RIMKLA: variants seen among roughly 807,000 people sequenced by gnomAD.
The protein encoded by RIMKLA is N-acetylaspartylglutamate synthase A.
In RIMKLA, 14 loss-of-function variants were observed where a neutral mutation model predicts 32.7. The ratio of observed to expected loss-of-function variants is 0.43; its 90% CI spans 0.28 to 0.67. The LOEUF (loss-of-function observed/expected upper bound fraction) is 0.67. Ranked by LOEUF, RIMKLA falls within the 30% of genes least tolerant of loss-of-function variation. RIMKLA has a pLI of 0.18. For missense variants in RIMKLA, 410 were observed against 519.0 expected (o/e 0.79, Z 2.04); for synonymous variants, 176 against 204.1 (o/e 0.86, Z 1.18).
intron 1 of RIMKLA, among the ~76,000 whole-genome samples, chr1:42,383,606 C>T (rs961740290): frequency 6.6e-6 from 1 of 152,136 alleles, no homozygotes; most frequent in African/African-American, 2.4e-5. Flanking sequence ...ATTCAACTTG[C>T]TTTGAAATAC....
intron 2 of RIMKLA, among the ~76,000 whole-genome samples, chr1:42,404,172 G>T (rs1437311906): frequency 6.6e-6 from 1 of 152,184 alleles, no homozygotes; most frequent in Non-Finnish European, 1.5e-5. Flanking sequence ...TAGAAGAGGG[G>T]ATTATACAAG....
rs940467816 is a variant in RIMKLA at position 42,420,369 on chromosome 1, C to G, written c.*5395C>G. On this transcript the variant is annotated 3_prime_UTR_variant, in exon 5 of 5. Coordinates refer to ENST00000431473, the MANE Select transcript of RIMKLA (RefSeq NM_173642.4). ...GTGACGTGGGAAGGAATGGCAGATG[C>G]TACAACAGTGCAGACTCGGCACCCC... 1.3e-5 allele frequency: 2 copies of G among 152,164 alleles called. No individual in the cohort carries two copies. Among genetic ancestry groups the G allele is most frequent in the African/African-American group, 2.4e-5 (1 of 41,430 alleles). The allele number at this position is 152,164 out of a possible 1,614,324, so 9.4% of individuals were successfully genotyped here.
intron 1 of RIMKLA, among the ~76,000 whole-genome samples, chr1:42,382,142 C>T (rs1325061121): frequency 1.3e-5 from 2 of 152,196 alleles, no homozygotes; most frequent in Admixed American, 1.3e-4. Flanking sequence ...TGGAATATAT[C>T]TGTTATAGAT....
At chr1:42,402,571 A>G (rs1328238825) in intron 2 of RIMKLA, among the ~76,000 whole-genome samples, 1 of 148,860 alleles carries the variant, frequency 6.7e-6, no homozygotes, top group Non-Finnish European at 1.5e-5. Flanking sequence ...CAGCCACCAG[A>G]AAGGAATCCA....
At position 42,399,588 on chromosome 1, in the gene RIMKLA, A is replaced by G. The variant is rs1271753593; in HGVS notation, c.348A>G (p.Gln116=). The change falls in exon 2 of 5, where the codon CAA becomes CAG. Residue 116 remains glutamine, a synonymous_variant. Transcript: ENST00000431473. The part of the protein sequence containing the change: ...LNCINKFWTF[Q]ELAGHGVPMP... ...GCATCAACAAATTCTGGACGTTCCA[A>G]GAACTGGCTGGACATGGGGTCCCCA... The G allele has an allele frequency of 6.2e-7, 1 of 1,612,824 alleles. No homozygotes were observed. The highest frequency in any genetic ancestry group is 8.5e-7 in the Non-Finnish European group (1 of 1,179,562).
At chr1:42,404,769 C>T (rs1229767202) in intron 3 of RIMKLA, among the ~76,000 whole-genome samples, 172 bp downstream of exon 3, 4 of 152,206 alleles carry the variant, frequency 2.6e-5, no homozygotes, top group Non-Finnish European at 5.9e-5. Flanking sequence ...ATCATGCTCA[C>T]CTCTTCCCTG....
chr1:42,400,726 G>A (rs1402804759), intron 2 of RIMKLA, among the ~76,000 whole-genome samples: 3 of 152,172 alleles, frequency 2.0e-5, no homozygotes, highest in African/African-American at 7.2e-5. Context: ...TGTTTGAGGT[G>A]TCTGTAGTAC....
At position 42,417,289 on chromosome 1, in the gene RIMKLA, A is replaced by G. The variant is rs1161350924; in HGVS notation, c.*2315A>G. 1.3e-5 allele frequency: 2 copies of G among 152,292 alleles called. No homozygotes were observed. Among genetic ancestry groups the G allele is most frequent in the African/African-American group, 4.8e-5 (2 of 41,466 alleles). The allele number at this position is 152,292 out of a possible 1,614,324, so 9.4% of individuals were successfully genotyped here. A position where few individuals can be genotyped will look rare whatever the true frequency, so the allele number is the denominator to read the frequency against. On this transcript the variant is annotated 3_prime_UTR_variant, in exon 5 of 5. Coordinates refer to ENST00000431473, the MANE Select transcript of RIMKLA (RefSeq NM_173642.4). ...GTCATTGGCTTCATTGCCTGGCACT[A>G]GCCCTGTCTAGAAGTGGAGAAAGCT...
intron 1 of RIMKLA, among the ~76,000 whole-genome samples, chr1:42,385,805 CTCTT>C (rs1164963278): frequency 3.9e-5 from 3 of 76,940 alleles, no homozygotes; most frequent in Admixed American, 2.6e-4. Context: ...CTTTCTCTCT[CTCTT>C]TCCTTCCTTC....
At chr1:42,409,126 C>G (rs868496208) in intron 3 of RIMKLA, among the ~76,000 whole-genome samples, 1 of 139,172 alleles carries the variant, frequency 7.2e-6, no homozygotes, top group African/African-American at 2.7e-5. Context: ...TGCTTGAACC[C>G]GGGAGGTGGA....
In RIMKLA at chr1:42,416,970, C is replaced by G. The variant is rs1394361695; in HGVS notation, c.*1996C>G. 1 of 152,178 alleles carries G rather than the reference C, an allele frequency of 6.6e-6. No homozygotes were observed. The highest frequency in any genetic ancestry group is 6.5e-5 in the Admixed American group (1 of 15,282). 9.4% of individuals were successfully genotyped at this position (152,178 alleles called of 1,614,324 possible). The stretch of plus-strand genomic sequence containing the variant: ...GTACAGTTGAAAAATAATACTTCAC[C>G]TTTATATAGGTTAAGATATGTACCT... On this transcript the variant is annotated 3_prime_UTR_variant, in exon 5 of 5. Transcript: ENST00000431473.
chr1:42,411,166 C>A (rs1643193832), intron 4 of RIMKLA, among the ~76,000 whole-genome samples: 5 of 151,936 alleles, frequency 3.3e-5, no homozygotes, highest in African/African-American at 9.7e-5. Context: ...CCCATCTCTA[C>A]AAATTTTTTT....
rs1009357798 is a variant in RIMKLA at position 42,420,740 on chromosome 1, C to T, written c.*5766C>T. 6.6e-6 allele frequency: 1 copy of T among 152,434 alleles called. No homozygotes were observed. The highest frequency in any genetic ancestry group is 1.9e-4 in the East Asian group (1 of 5,192). The allele number at this position is 152,434 out of a possible 1,614,324, so 9.4% of individuals were successfully genotyped here. A position where few individuals can be genotyped will look rare whatever the true frequency, so the allele number is the denominator to read the frequency against. ...TTCACCACTCGTTGTCAGGGGTACA[C>T]CTTTTGGAAGGCAGCGTGGGCTAAT... On this transcript the variant is annotated 3_prime_UTR_variant, in exon 5 of 5. Coordinates refer to ENST00000431473, the MANE Select transcript of RIMKLA (RefSeq NM_173642.4).
At chr1:42,385,878 CTTTCTTTCTTTCT>C (rs1642940639) in intron 1 of RIMKLA, among the ~76,000 whole-genome samples, 3 of 90,428 alleles carry the variant, frequency 3.3e-5, no homozygotes, top group African/African-American at 1.2e-4. Context: ...TTCTTTCTTT[CTTTCTTTCTTTCT>C]TTCTTTCCTT....
intron 4 of RIMKLA, among the ~76,000 whole-genome samples, chr1:42,413,561 CAAATGAA>C (rs1643220191): frequency 6.7e-6 from 1 of 149,020 alleles, no homozygotes; most frequent in Admixed American, 6.7e-5. Context: ...ACAGCAAAGT[CAAATGAA>C]AAAGGTATTT....
In RIMKLA at chr1:42,415,154, A is replaced by T. The variant is rs1342148913; in HGVS notation, c.*180A>T. On this transcript the variant is annotated 3_prime_UTR_variant, in exon 5 of 5. Coordinates refer to ENST00000431473, the MANE Select transcript of RIMKLA (RefSeq NM_173642.4). ...GCCTAGCTTTGTGGTTTTTACAAAGACAAATATAAAAACACTCAAGAACAA... is the reference window on the plus strand; with the variant it reads ...GCCTAGCTTTGTGGTTTTTACAAAGTCAAATATAAAAACACTCAAGAACAA... 36 of 611,918 alleles carry T rather than the reference A, an allele frequency of 5.9e-5. 1 individual carries two copies. In the Admixed American group the frequency reaches 6.5e-4, roughly 11 times the overall value. 37.9% of individuals were successfully genotyped at this position (611,918 alleles called of 1,614,324 possible).
At chr1:42,400,737 A>T (rs569939071) in intron 2 of RIMKLA, among the ~76,000 whole-genome samples, 3 of 152,204 alleles carry the variant, frequency 2.0e-5, no homozygotes, top group Non-Finnish European at 4.4e-5. Flanking sequence ...TCTGTAGTAC[A>T]TGCAAGTAAA....
chr1:42,381,018 G>T lies in RIMKLA; in HGVS notation c.84G>T (p.Gln28His). The T allele has an allele frequency of 7.1e-7, 1 of 1,407,350 alleles. No individual in the cohort carries two copies. The allele number at this position is 1,407,350 out of a possible 1,614,324, so 87.2% of individuals were successfully genotyped here. Reference protein sequence around the residue: ...PQVQILRALRQRCSEQDVRFR... With the variant: ...PQVQILRALRHRCSEQDVRFR... Reference sequence around the variant, plus strand: ...TGCAGATCCTGCGCGCCCTCCGGCAGCGCTGCTCCGAGCAGGACGTGCGCT... The same window carrying T: ...TGCAGATCCTGCGCGCCCTCCGGCATCGCTGCTCCGAGCAGGACGTGCGCT... Residue 28 changes from glutamine (Q) to histidine (H), a missense_variant, in exon 1 of 5, where the codon CAG (glutamine) becomes CAT (histidine). Physicochemically the swap from Gln to His is conservative, Grantham distance 24 (BLOSUM62 0). Coordinates refer to ENST00000431473, the MANE Select transcript of RIMKLA (RefSeq NM_173642.4).
chr1:42,414,388 C>G (rs909177617), intron 4 of RIMKLA, 96 bp from the exon 5 acceptor site: 18 of 1,312,124 alleles, frequency 1.4e-5, no homozygotes, highest in Non-Finnish European at 1.7e-5. Context: ...GATCGAGCCT[C>G]TCTTTCTGCC....
Sources: gnomAD v4.1 joint callset for allele counts (sites outside exome capture counted in the v4.1 genomes callset) on GRCh38, gnomAD v4.1.1 for gene constraint, MANE v1.5 for transcripts, NCBI Gene and HGNC (gene_info 2026-07-23, HGNC 2026-07-21) for gene names.